RBM23: variants seen among roughly 807,000 people sequenced by gnomAD.
RBM23 encodes RNA binding motif protein 23, also known as probable RNA-binding protein 23.
A neutral mutation model predicts 56.2 loss-of-function variants in RBM23; 53 were observed. The observed-to-expected ratio is 0.94, with a 90% CI of 0.76 to 1.19. The LOEUF is 1.19. RBM23 is among the 50% of genes most tolerant of loss of function. The pLI is 0.00. For missense variants in RBM23, 642 were observed against 590.3 expected (o/e 1.09, Z -0.91); for synonymous variants, 197 against 198.5 (o/e 0.99, Z 0.06).
chr14:22,905,684 G>C (rs1460208530), intron 5 of RBM23, 25 bp from the exon 6 acceptor site: 12 of 1,560,302 alleles, frequency 7.7e-6, no homozygotes, highest in South Asian at 4.5e-5. Context: ...AAAACAAAAG[G>C]TGAAACCTTA....
In RBM23 at chr14:22,899,947, C is replaced by T. The variant is rs1157944233; in HGVS notation, c.*1783G>A. 2 of 152,174 alleles carry T rather than the reference C, an allele frequency of 1.3e-5. No individual in the cohort carries two copies. The highest frequency in any genetic ancestry group is 4.8e-5 in the African/African-American group (2 of 41,434). 9.4% of individuals were successfully genotyped at this position (152,174 alleles called of 1,614,324 possible). ...AGATCAAAAAAGGAGCCCCACAGAGCCCTGCCCCTGAATTCAGGCCTTCTC... is the reference window on the plus strand; with the variant it reads ...AGATCAAAAAAGGAGCCCCACAGAGTCCTGCCCCTGAATTCAGGCCTTCTC... On this transcript the variant is annotated 3_prime_UTR_variant, in exon 14 of 14. Transcript: ENST00000359890.
chr14:22,908,598 T>C (rs2041966971), intron 3 of RBM23: 1 of 452,718 alleles, frequency 2.2e-6, no homozygotes, highest in Non-Finnish European at 3.9e-6. Flanking sequence ...TTCGCTATGT[T>C]GGCCAGGTTC....
chr14:22,902,950 TTTTTA>T (rs1428256294), intron 10 of RBM23: 2 of 681,768 alleles, frequency 2.9e-6, no homozygotes, highest in East Asian at 2.7e-4. Context: ...AGTTTTTTTA[TTTTTA>T]TTTTTTAGTA....
chr14:22,903,518 T>TA (rs2040982560), intron 10 of RBM23: 1 of 986,264 alleles, frequency 1.0e-6, no homozygotes, highest in Non-Finnish European at 1.2e-6. Context: ...CCTAGGCAGG[T>TA]GTTATACATG....
intron 9 of RBM23, 29 bp from the exon 10 acceptor site, chr14:22,904,355 A>T (rs1368129521): frequency 6.4e-7 from 1 of 1,565,524 alleles, no homozygotes; most frequent in Non-Finnish European, 8.8e-7. Context: ...TTATCAGTAA[A>T]CTTTTGACTA....
At chr14:22,908,790 G>GA (rs1275274185) in intron 3 of RBM23, 2 of 163,940 alleles carry the variant, frequency 1.2e-5, no homozygotes, top group African/African-American at 4.8e-5. Context: ...CAGAAAGCAT[G>GA]AAAAAACCAA....
chr14:22,905,599 A>T lies in RBM23; in HGVS notation c.455+7T>A. The stretch of plus-strand genomic sequence containing the variant: ...AATCCCTAAAACAGTGTTCATTATC[A>T]ACCCACCTGACTGGGCTCTTCTCTC... On this transcript the variant is annotated splice_region_variant and intron_variant, in intron 6 of 13. Coordinates refer to ENST00000359890, the MANE Select transcript of RBM23 (RefSeq NM_001077351.2). The T allele has an allele frequency of 6.2e-7, 1 of 1,610,530 alleles. No individual in the cohort carries two copies. The highest frequency in any genetic ancestry group is 8.5e-7 in the Non-Finnish European group (1 of 1,176,590).
Position 22,905,321 on chromosome 14 carries a change from A to C in RBM23, c.573+15T>G, listed in dbSNP as rs925998674. The C allele has an allele frequency of 1.9e-6, 3 of 1,613,972 alleles. No homozygotes were observed. The highest frequency in any genetic ancestry group is 2.5e-6 in the Non-Finnish European group (3 of 1,179,982). ...AGCTAAGCTACTCAGAAGAAAACTAAGGTGGGAGGGTTACCTTGCCTACAG... is the reference window on the plus strand; with the variant it reads ...AGCTAAGCTACTCAGAAGAAAACTACGGTGGGAGGGTTACCTTGCCTACAG... On this transcript the variant is annotated intron_variant, in intron 7 of 13. Transcript: ENST00000359890.
intron 11 of RBM23, 39 bp downstream of exon 11, chr14:22,902,148 A>T: frequency 6.2e-7 from 1 of 1,606,558 alleles, no homozygotes; most frequent in Non-Finnish European, 8.5e-7. Context: ...TTCATCTAAA[A>T]TTCAACCCCA....
intron 13 of RBM23, 39 bp downstream of exon 13, chr14:22,901,775 A>G: frequency 2.5e-6 from 4 of 1,614,046 alleles, no homozygotes; most frequent in Non-Finnish European, 3.4e-6. Flanking sequence ...AGGAAAGAGA[A>G]TAATCAAAGG....
intron 5 of RBM23, 151 bp downstream of exon 5, chr14:22,906,044 C>G: frequency 1.1e-6 from 1 of 918,682 alleles, no homozygotes. Flanking sequence ...GCCACCACAC[C>G]AGTAAATTTT....
Position 22,896,469 on chromosome 14 carries a change from A to C in RBM23, c.*5261T>G. ...TCCTGATGCCTGAAAGCTGACTGAA[A>C]CTCCCATCCTTTCTGGAACATTGGC... On this transcript the variant is annotated 3_prime_UTR_variant, in exon 14 of 14. Coordinates refer to ENST00000359890, the MANE Select transcript of RBM23 (RefSeq NM_001077351.2). 1 of 151,140 alleles carries C rather than the reference A, an allele frequency of 6.6e-6. No homozygotes were observed. The highest frequency in any genetic ancestry group is 2.4e-5 in the African/African-American group (1 of 40,996). The allele number at this position is 151,140 out of a possible 1,614,324, so 9.4% of individuals were successfully genotyped here.
At chr14:22,912,298 C>T (rs1489205284) in intron 1 of RBM23, among the ~76,000 whole-genome samples, 1 of 152,206 alleles carries the variant, frequency 6.6e-6, no homozygotes, top group Non-Finnish European at 1.5e-5. Flanking sequence ...ACGTCTTCCT[C>T]TCCGCATACC....
At position 22,902,344 on chromosome 14, in the gene RBM23, C is replaced by A. The variant is rs2040691796; in HGVS notation, c.969G>T (p.Gln323His). The change falls in exon 11 of 14, where the codon CAG (glutamine) becomes CAT (histidine). Residue 323 changes from glutamine to histidine, a missense_variant. By Grantham distance (24) the Gln-to-His change is conservative (BLOSUM62 0). Coordinates refer to ENST00000359890, the MANE Select transcript of RBM23 (RefSeq NM_001077351.2). ...GACCAGCAAGCTCAAACCCATTCAA[C>A]TGTTCCAGGGCCCGCCGGGCACACT... The part of the protein sequence containing the change: ...DSECARRALE[Q>H]LNGFELAGRP... The A allele has an allele frequency of 6.2e-7, 1 of 1,614,066 alleles. No homozygotes were observed. The highest frequency in any genetic ancestry group is 2.2e-5 in the East Asian group (1 of 44,878).
chr14:22,915,372 GTAT>G (rs1452104738), intron 1 of RBM23, among the ~76,000 whole-genome samples: 2 of 147,034 alleles, frequency 1.4e-5, no homozygotes. Context: ...AGCTAATTTT[GTAT>G]TTTTAGTAGA....
In RBM23 at chr14:22,896,264, G is replaced by A. The variant is rs957677946; in HGVS notation, c.*5466C>T. 7 of 152,202 alleles carry A rather than the reference G, an allele frequency of 4.6e-5. No homozygotes were observed. Among genetic ancestry groups the A allele is most frequent in the African/African-American group, 1.7e-4 (7 of 41,450 alleles). The allele number at this position is 152,202 out of a possible 1,614,324, so 9.4% of individuals were successfully genotyped here. On this transcript the variant is annotated 3_prime_UTR_variant, in exon 14 of 14. Transcript: ENST00000359890. ...TTTCCTTTTTACAGATGAAGTGTGA[G>A]AGAAGTGAAGTAACCTACCCAAGCT...
Position 22,913,121 on chromosome 14 carries a change from A to AG in RBM23, c.-10-1719dup, listed in dbSNP as rs1257221660. On this transcript the variant is annotated intron_variant, in intron 1 of 13. Coordinates refer to ENST00000359890, the MANE Select transcript of RBM23 (RefSeq NM_001077351.2). ...AGGGCTGGGAGAAAAAGATTTTAAA[A>AG]GGGCACAAGAAGGCCGGGCGCGGTG... Among the ~76,000 whole-genome samples, 3 of 151,326 alleles carry AG rather than the reference A, an allele frequency of 2.0e-5. No homozygotes were observed. In the East Asian group the frequency reaches 5.9e-4, roughly 30 times the overall value.
Position 22,901,752 on chromosome 14 carries a change from A to C in RBM23, c.1317-19T>G. On this transcript the variant is annotated intron_variant, in intron 13 of 13. Transcript: ENST00000359890. ...GATTTACCTGTGGAAAGAAGAGGTA[A>C]ATGGGAAGCCAAAGGAAAGAGAATA... 1 of 1,613,968 alleles carries C rather than the reference A, an allele frequency of 6.2e-7. No individual in the cohort carries two copies.
intron 2 of RBM23, among the ~76,000 whole-genome samples, chr14:22,910,151 CAAAAAAAAAAAAAAAAA>C (rs532892000): frequency 6.0e-5 from 1 of 16,696 alleles, no homozygotes; most frequent in East Asian, 3.4e-3. Context: ...GACTCTGTCT[CAAAAAAAAAAAAAAAAA>C]AAAAAAAAAG....
Sources: gnomAD v4.1 joint callset for allele counts (sites outside exome capture counted in the v4.1 genomes callset) on GRCh38, gnomAD v4.1.1 for gene constraint, MANE v1.5 for transcripts, NCBI Gene and HGNC (gene_info 2026-07-23, HGNC 2026-07-21) for gene names.